The following GNGT1 variants were observed in gnomAD, a reference collection of about 807,000 sequenced individuals.
The protein encoded by GNGT1 is G protein subunit gamma transducin 1.
In GNGT1, 4 loss-of-function variants were observed where a neutral mutation model predicts 7.4. The ratio of observed to expected loss-of-function variants is 0.54; its 90% confidence interval spans 0.27 to 1.24. GNGT1 has a LOEUF of 1.24. Ranked by LOEUF, GNGT1 falls within the 50% of genes most tolerant of loss-of-function variation. GNGT1 has a pLI of 0.12. For missense variants in GNGT1, 95 were observed against 82.4 expected (o/e 1.15, Z -0.59); for synonymous variants, 37 against 30.2 (o/e 1.23, Z -0.74).
intron 2 of GNGT1, chr7:93,910,327 A>C (rs1794441995): frequency 6.6e-6 from 1 of 152,550 alleles, no homozygotes; most frequent in African/African-American, 2.4e-5. Flanking sequence ...ATCATTGTAG[A>C]TGAGTGTAAA....
At chr7:93,908,675 T>G (rs1794413656) in intron 2 of GNGT1, among the ~76,000 whole-genome samples, 1 of 151,034 alleles carries the variant, frequency 6.6e-6, no homozygotes, top group South Asian at 2.1e-4. Context: ...TAATAATATG[T>G]TATATTATAT....
At position 93,910,859 on chromosome 7, in the gene GNGT1, G is replaced by A. The variant is rs771543991; in HGVS notation, c.166G>A (p.Gly56Ser). 1 of 1,607,406 alleles carries A rather than the reference G, an allele frequency of 6.2e-7. No individual in the cohort carries two copies. Among genetic ancestry groups the A allele is most frequent in the Non-Finnish European group, 8.5e-7 (1 of 1,175,040 alleles). Residue 56 changes from glycine (G) to serine (S), a missense_variant, in exon 3 of 3, where the codon GGC becomes AGC. Transcript: ENST00000248572. The part of the protein sequence containing the change: ...ERSGEDPLVK[G>S]IPEDKNPFKE... ...ATCTGGCGAGGATCCACTGGTAAAG[G>A]GCATCCCAGAGGACAAAAATCCCTT...
intron 2 of GNGT1, chr7:93,909,498 C>T: frequency 1.4e-6 from 1 of 702,420 alleles, no homozygotes; most frequent in Non-Finnish European, 2.6e-6. Flanking sequence ...AGCCAGGCAC[C>T]TTCAAAACCA....
intron 2 of GNGT1, among the ~76,000 whole-genome samples, chr7:93,909,298 A>G (rs960989840): frequency 1.3e-5 from 2 of 152,226 alleles, no homozygotes; most frequent in Non-Finnish European, 2.9e-5. Flanking sequence ...TATTTTATAC[A>G]TGAAGTAAAT....
At chr7:93,908,775 G>T (rs1190895150) in intron 2 of GNGT1, among the ~76,000 whole-genome samples, 1 of 151,906 alleles carries the variant, frequency 6.6e-6, no homozygotes, top group African/African-American at 2.4e-5. Context: ...ATGGGTAAGT[G>T]GTTAAGTGGA....
rs1794459497 is a variant in GNGT1 at position 93,911,032 on chromosome 7, A to G, written c.*114A>G. Reference sequence around the variant, plus strand: ...CTACTAAGCATGTACGTGAATTTTTAAATTTATAGATGTAAACTTTTAATA... The same window carrying G: ...CTACTAAGCATGTACGTGAATTTTTGAATTTATAGATGTAAACTTTTAATA... On this transcript the variant is annotated 3_prime_UTR_variant, in exon 3 of 3. Coordinates refer to ENST00000248572, the MANE Select transcript of GNGT1 (RefSeq NM_021955.5). 10 of 665,994 alleles carry G rather than the reference A, an allele frequency of 1.5e-5. No homozygotes were observed. The highest frequency in any genetic ancestry group is 2.3e-5 in the Non-Finnish European group (10 of 437,754). 41.3% of individuals were successfully genotyped at this position (665,994 alleles called of 1,614,324 possible).
chr7:93,909,361 A>G, intron 2 of GNGT1: 1 of 525,102 alleles, frequency 1.9e-6, no homozygotes, highest in East Asian at 2.9e-5. Context: ...AAATGAGAAG[A>G]GTCTTGCAAT....
chr7:93,908,004 CA>C (rs1270541035), intron 2 of GNGT1, among the ~76,000 whole-genome samples: 1 of 152,008 alleles, frequency 6.6e-6, no homozygotes, highest in Non-Finnish European at 1.5e-5. Flanking sequence ...TTGAAATATC[CA>C]AAAGCTGTTT....
chr7:93,911,129 T>G lies in GNGT1; in HGVS notation c.*211T>G, dbSNP rs2115901749. 1 of 277,782 alleles carries G rather than the reference T, an allele frequency of 3.6e-6. No individual in the cohort carries two copies. Among genetic ancestry groups the G allele is most frequent in the African/African-American group, 2.2e-5 (1 of 45,700 alleles). 17.2% of individuals were successfully genotyped at this position (277,782 alleles called of 1,614,324 possible). On this transcript the variant is annotated 3_prime_UTR_variant, in exon 3 of 3. Transcript: ENST00000248572. Reference sequence around the variant, plus strand: ...GCTGGCACAGGGTTTAACACATAATTGCCAATAAATATTGCTTAAAGTTCT... The same window carrying G: ...GCTGGCACAGGGTTTAACACATAATGGCCAATAAATATTGCTTAAAGTTCT...
rs77925896 is a variant in GNGT1, at chr7:93,910,943, A to C, written c.*25A>C. Reference sequence around the variant, plus strand: ...ATACAAACAAAAAGAAAAAAAATTAAACAAATTCTTGGAAATATCTCAAAT... The same window carrying C: ...ATACAAACAAAAAGAAAAAAAATTACACAAATTCTTGGAAATATCTCAAAT... On this transcript the variant is annotated 3_prime_UTR_variant, in exon 3 of 3. Transcript: ENST00000248572. 0.013 allele frequency: 19,820 copies of C among 1,511,112 alleles called. 183 individuals are homozygous for C. Among genetic ancestry groups the C allele is most frequent in the Middle Eastern group, 0.038 (217 of 5,660 alleles). 93.6% of individuals were successfully genotyped at this position (1,511,112 alleles called of 1,614,324 possible).
rs201103703 is a variant in GNGT1, at chr7:93,909,094, A to AT, written c.97-1688dup. ...AACCAGACTGATTCATATTATTGTGATTTTTTTTGAGTACGACAAGTCTTT... is the reference window on the plus strand; with the variant it reads ...AACCAGACTGATTCATATTATTGTGATTTTTTTTTGAGTACGACAAGTCTTT... On this transcript the variant is annotated intron_variant, in intron 2 of 2. Transcript: ENST00000248572. Among the ~76,000 whole-genome samples, 114 of 152,062 alleles carry AT rather than the reference A, an allele frequency of 7.5e-4. No homozygotes were observed. The East Asian group carries it at 0.017, about 23-fold the overall frequency.
At chr7:93,908,632 A>G (rs1794412961) in intron 2 of GNGT1, among the ~76,000 whole-genome samples, 1 of 151,534 alleles carries the variant, frequency 6.6e-6, no homozygotes, top group Non-Finnish European at 1.5e-5. Context: ...TATGTATGTA[A>G]TATATAGAAA....
chr7:93,907,128 A>T (rs1442410125), intron 2 of GNGT1, among the ~76,000 whole-genome samples: 1 of 151,928 alleles, frequency 6.6e-6, no homozygotes, highest in African/African-American at 2.4e-5. Flanking sequence ...AGAGAAGGGA[A>T]GAAAGAAAGA....
At position 93,910,775 on chromosome 7, in the gene GNGT1, T is replaced by C; in HGVS notation, c.97-15T>C. On this transcript the variant is annotated splice_polypyrimidine_tract_variant and intron_variant, in intron 2 of 2. Transcript: ENST00000248572. The stretch of plus-strand genomic sequence containing the variant: ...TTTAAACCAAATGAGTCATCCCTTT[T>C]TCCTTCCCCTTAAGGTTTCCAAATG... The C allele has an allele frequency of 6.3e-7, 1 of 1,577,048 alleles. No individual in the cohort carries two copies. The highest frequency in any genetic ancestry group is 8.6e-7 in the Non-Finnish European group (1 of 1,158,968).
chr7:93,909,155 CTATAAGTCAATGTAA>C (rs1322079793), intron 2 of GNGT1, among the ~76,000 whole-genome samples: 3 of 152,078 alleles, frequency 2.0e-5, no homozygotes, highest in Non-Finnish European at 2.9e-5. Flanking sequence ...TTTGCAATGA[CTATAAGTCAATGTAA>C]TAGGCCATGA....
At chr7:93,908,090 A>T (rs977650343) in intron 2 of GNGT1, among the ~76,000 whole-genome samples, 23 of 152,094 alleles carry the variant, frequency 1.5e-4, no homozygotes, top group Non-Finnish European at 3.1e-4. Flanking sequence ...ACTTGTGGTA[A>T]GTTCACCTTG....
intron 2 of GNGT1, among the ~76,000 whole-genome samples, chr7:93,908,597 A>C (rs1328786478): frequency 1.3e-5 from 2 of 152,048 alleles, no homozygotes; most frequent in East Asian, 3.8e-4. Context: ...GAGTTCAACA[A>C]ATGAATTTAT....
chr7:93,906,934 A>G, intron 2 of GNGT1, 92 bp downstream of exon 2: 1 of 634,250 alleles, frequency 1.6e-6, no homozygotes, highest in Admixed American at 3.5e-5. Flanking sequence ...GGCTCAATGT[A>G]GTTACAAATA....
rs1180440946 is a variant in GNGT1, at chr7:93,911,087, A to G, written c.*169A>G. Reference sequence around the variant, plus strand: ...TTGGGGTGTGGTAACCCATCATTCTATGTTTTTCTTAACATAGCTGGCACA... The same window carrying G: ...TTGGGGTGTGGTAACCCATCATTCTGTGTTTTTCTTAACATAGCTGGCACA... On this transcript the variant is annotated 3_prime_UTR_variant, in exon 3 of 3. Transcript: ENST00000248572. 1.3e-5 allele frequency: 5 copies of G among 380,786 alleles called. No individual in the cohort carries two copies. The highest frequency in any genetic ancestry group is 7.0e-5 in the South Asian group (1 of 14,342). 23.6% of individuals were successfully genotyped at this position (380,786 alleles called of 1,614,324 possible).
Sources: allele counts gnomAD v4.1 joint callset (sites outside exome capture counted in the v4.1 genomes callset), GRCh38; gene constraint gnomAD v4.1.1; transcripts MANE v1.5; gene names NCBI Gene and HGNC (gene_info 2026-07-23, HGNC 2026-07-21).